The following AFF3 variants were observed in gnomAD, a reference collection of about 807,000 sequenced individuals.
AFF3 encodes ALF transcription elongation factor 3, also known as AF4/FMR2 family member 3.
In AFF3, 32 loss-of-function variants were observed where a neutral mutation model predicts 129.7. The observed-to-expected ratio is 0.25, with a 90% CI of 0.19 to 0.33. The LOEUF is 0.33. Ranked by LOEUF, AFF3 falls within the 10% of genes least tolerant of loss-of-function variation. AFF3 has a pLI of 1.00. For synonymous variants in AFF3, 644 were observed against 635.4 expected (o/e 1.01, Z -0.20); for missense variants, 1,373 against 1,592.0 (o/e 0.86, Z 2.34).
At chr2:99,759,531 T>C (rs1682407330) in intron 8 of AFF3, among the ~76,000 whole-genome samples, 1 of 152,248 alleles carries the variant, frequency 6.6e-6, no homozygotes, top group African/African-American at 2.4e-5. Context: ...CACATTTCAA[T>C]GCAAACTTGC....
chr2:99,651,066 G>A lies in AFF3; in HGVS notation c.1144-1400C>T, dbSNP rs369990133. On this transcript the variant is annotated intron_variant, in intron 12 of 24. Transcript: ENST00000672756. The stretch of plus-strand genomic sequence containing the variant: ...CACATGTCTGTAATTCCAGCTACTC[G>A]GGAGGCCAAGGCAGGAGAATTGCTT... Among the ~76,000 whole-genome samples the A allele has an allele frequency of 3.4e-4, 52 of 151,610 alleles. 1 individual carries two copies. The East Asian group carries it at 8.2e-3, about 24-fold the overall frequency.
At chr2:99,614,213 CCTT>C (rs1469076652) in intron 13 of AFF3, among the ~76,000 whole-genome samples, 1 of 152,162 alleles carries the variant, frequency 6.6e-6, no homozygotes, top group African/African-American at 2.4e-5. Context: ...GGCCCTGAAA[CCTT>C]CTATTGGCCG....
chr2:99,715,070 T>C (rs1482815905), intron 11 of AFF3, among the ~76,000 whole-genome samples: 1 of 152,232 alleles, frequency 6.6e-6, no homozygotes. Context: ...CTGCAGGACC[T>C]GCATCCTTCA....
Position 100,007,032 on chromosome 2 carries a change from G to A in AFF3, c.488-15C>T. 6.3e-7 allele frequency: 1 copy of A among 1,596,392 alleles called. No individual in the cohort carries two copies. Among genetic ancestry groups the A allele is most frequent in the East Asian group, 2.2e-5 (1 of 44,658 alleles). On this transcript the variant is annotated splice_polypyrimidine_tract_variant and intron_variant, in intron 6 of 24. Transcript: ENST00000672756. ...GCCCTGTTGTGCTGAGTTGGAAGAAGAAGAAGAGGAAGATAAGGATGAGGG... is the reference window on the plus strand; with the variant it reads ...GCCCTGTTGTGCTGAGTTGGAAGAAAAAGAAGAGGAAGATAAGGATGAGGG...
At chr2:99,906,719 C>T (rs1317139595) in intron 7 of AFF3, among the ~76,000 whole-genome samples, 1 of 152,056 alleles carries the variant, frequency 6.6e-6, no homozygotes, top group African/African-American at 2.4e-5. Flanking sequence ...CTCCGGACCA[C>T]ATGTTTCTTT....
chr2:99,607,243 G>A (rs989385434), intron 13 of AFF3, among the ~76,000 whole-genome samples: 1 of 152,196 alleles, frequency 6.6e-6, no homozygotes, highest in East Asian at 1.9e-4. Flanking sequence ...TAAAAGAAAA[G>A]ATCTGGAGGC....
intron 1 of AFF3, among the ~76,000 whole-genome samples, chr2:100,135,236 G>A (rs564036635): frequency 6.6e-6 from 1 of 152,302 alleles, no homozygotes; most frequent in Admixed American, 6.5e-5. Flanking sequence ...GATGGCCACA[G>A]CAGTGTGTGT....
chr2:99,740,690 G>A, intron 10 of AFF3, among the ~76,000 whole-genome samples: 1 of 151,734 alleles, frequency 6.6e-6, no homozygotes, highest in Non-Finnish European at 1.5e-5. Flanking sequence ...ATTTGTTTGA[G>A]TTCATTGTAG....
At chr2:100,046,516 C>T (rs758924601) in intron 4 of AFF3, among the ~76,000 whole-genome samples, 9 of 152,172 alleles carry the variant, frequency 5.9e-5, no homozygotes, top group Admixed American at 3.9e-4. Context: ...AGTTTAGGTC[C>T]TCCCACTGCT....
At chr2:99,980,789 G>A (rs557630255) in intron 7 of AFF3, among the ~76,000 whole-genome samples, 1 of 152,180 alleles carries the variant, frequency 6.6e-6, no homozygotes, top group South Asian at 2.1e-4. Flanking sequence ...TAAAGTATAT[G>A]AGTTACTTCT....
At chr2:100,005,674 T>C (rs1193650484) in intron 7 of AFF3, among the ~76,000 whole-genome samples, 1 of 152,228 alleles carries the variant, frequency 6.6e-6, no homozygotes, top group Non-Finnish European at 1.5e-5. Flanking sequence ...AAAACCAGTG[T>C]AAACATCTCA....
At chr2:99,780,916 A>T (rs1408398834) in intron 8 of AFF3, among the ~76,000 whole-genome samples, 1 of 152,126 alleles carries the variant, frequency 6.6e-6, no homozygotes, top group Non-Finnish European at 1.5e-5. Context: ...GTTCCCTGAC[A>T]AGCCTCTTCT....
chr2:99,892,753 G>C (rs1297679352), intron 7 of AFF3, among the ~76,000 whole-genome samples: 2 of 152,188 alleles, frequency 1.3e-5, no homozygotes, highest in Non-Finnish European at 2.9e-5. Context: ...TCCTGCTCAA[G>C]ACAGCATCCG....
chr2:99,841,745 C>G (rs1338362164), intron 7 of AFF3, among the ~76,000 whole-genome samples: 1 of 152,156 alleles, frequency 6.6e-6, no homozygotes, highest in Non-Finnish European at 1.5e-5. Flanking sequence ...AAGTGAAGGG[C>G]TCTGTCCAAA....
chr2:99,817,508 C>T (rs1687333451), intron 8 of AFF3, among the ~76,000 whole-genome samples: 1 of 152,184 alleles, frequency 6.6e-6, no homozygotes. Flanking sequence ...ACTGCTCCTT[C>T]CAGATTACTG....
intron 7 of AFF3, among the ~76,000 whole-genome samples, chr2:99,898,971 T>A (rs1317760755): frequency 6.6e-6 from 1 of 152,038 alleles, no homozygotes; most frequent in Non-Finnish European, 1.5e-5. Flanking sequence ...CTCCCACTCT[T>A]CCCTCAAACC....
intron 2 of AFF3, among the ~76,000 whole-genome samples, chr2:100,121,923 G>A (rs1022505811): frequency 3.3e-5 from 5 of 151,966 alleles, no homozygotes; most frequent in Non-Finnish European, 4.4e-5. Flanking sequence ...TTAGCCGGGC[G>A]CGGTGGCGGG....
chr2:99,562,357 T>C (rs1675548696), intron 20 of AFF3, among the ~76,000 whole-genome samples: 1 of 152,230 alleles, frequency 6.6e-6, no homozygotes, highest in Admixed American at 6.5e-5. Flanking sequence ...AGTCTATTTC[T>C]TCTTTACTGC....
intron 11 of AFF3, among the ~76,000 whole-genome samples, chr2:99,723,954 C>T (rs74485082): frequency 0.019 from 2,922 of 152,154 alleles, 83 homozygotes; most frequent in African/African-American, 0.065. Flanking sequence ...GGAGAGAGGC[C>T]GGGGATAACT....
Sources: gnomAD v4.1 joint callset for allele counts (sites outside exome capture counted in the v4.1 genomes callset) on GRCh38, gnomAD v4.1.1 for gene constraint, MANE v1.5 for transcripts, NCBI Gene and HGNC (gene_info 2026-07-23, HGNC 2026-07-21) for gene names.